Variants in RPS6KC1 observed in about 807,000 individuals in gnomAD.
RPS6KC1 encodes the protein inactive ribosomal protein S6 kinase delta-1.
A neutral mutation model predicts 103.8 loss-of-function variants in RPS6KC1; 54 were observed. The ratio of observed to expected loss-of-function variants is 0.52; its 90% CI spans 0.42 to 0.65. The LOEUF (loss-of-function observed/expected upper bound fraction) is 0.65. RPS6KC1 is among the 30% of genes least tolerant of loss of function. The pLI is 0.00. For missense variants in RPS6KC1, 1,151 were observed against 1,253.8 expected, an observed-to-expected ratio of 0.92 and a Z score of 1.24; for synonymous variants, 439 against 438.7, an observed-to-expected ratio of 1.00 and a Z score of -0.01.
intron 3 of RPS6KC1, among the ~76,000 whole-genome samples, chr1:213,083,884 T>G (rs188192434): frequency 2.6e-5 from 4 of 152,294 alleles, no homozygotes; most frequent in African/African-American, 9.6e-5. Context: ...AGACTGTAGC[T>G]TCCATCTTGT....
the RPS6KC1 span, among the ~76,000 whole-genome samples, chr1:213,457,023 A>G: frequency 1.3e-4 from 19 of 148,872 alleles, no homozygotes; most frequent in African/African-American, 4.9e-4. Flanking sequence ...AGGACTCAAG[A>G]AGGACTTCCT....
chr1:213,810,881 G>T, the RPS6KC1 span, among the ~76,000 whole-genome samples: 3 of 152,166 alleles, frequency 2.0e-5, no homozygotes, highest in Non-Finnish European at 4.4e-5. Flanking sequence ...CCAGCAAAAA[G>T]CTGGTAAGTG....
chr1:213,146,258 T>A (rs1572826255), intron 6 of RPS6KC1, among the ~76,000 whole-genome samples: 2 of 151,926 alleles, frequency 1.3e-5, no homozygotes, highest in African/African-American at 4.8e-5. Flanking sequence ...CCCTGTTGTG[T>A]ATATGTACCA....
the RPS6KC1 span, among the ~76,000 whole-genome samples, chr1:213,288,669 A>G: frequency 6.6e-6 from 1 of 152,188 alleles, no homozygotes; most frequent in Non-Finnish European, 1.5e-5. Context: ...TTTCTGTGTA[A>G]GTAAAGTTTC....
At chr1:213,487,308 A>G in the RPS6KC1 span, among the ~76,000 whole-genome samples, 1 of 152,068 alleles carries the variant, frequency 6.6e-6, no homozygotes, top group African/African-American at 2.4e-5. Flanking sequence ...AGGTAGGAAA[A>G]TTGCTTGAGT....
chr1:213,682,395 T>A, the RPS6KC1 span, among the ~76,000 whole-genome samples: 92 of 152,344 alleles, frequency 6.0e-4, no homozygotes, highest in African/African-American at 2.2e-3. Context: ...ACGTGTCACG[T>A]CTTCTGCCAG....
the RPS6KC1 span, among the ~76,000 whole-genome samples, chr1:213,777,568 T>C: frequency 6.6e-6 from 1 of 152,164 alleles, no homozygotes; most frequent in Non-Finnish European, 1.5e-5. Context: ...ATATCTGAAA[T>C]ATTATAATAT....
At chr1:213,324,387 G>C in the RPS6KC1 span, among the ~76,000 whole-genome samples, 5 of 152,190 alleles carry the variant, frequency 3.3e-5, no homozygotes, top group Admixed American at 3.3e-4. Context: ...TTCATTTTAG[G>C]TAGGATATTT....
At chr1:213,786,355 TG>T in the RPS6KC1 span, among the ~76,000 whole-genome samples, 1 of 152,236 alleles carries the variant, frequency 6.6e-6, no homozygotes, top group Admixed American at 6.5e-5. Flanking sequence ...ACTTCATAGT[TG>T]TTCCCCATTG....
the RPS6KC1 span, among the ~76,000 whole-genome samples, chr1:213,791,715 A>C: frequency 6.6e-6 from 1 of 152,138 alleles, no homozygotes; most frequent in East Asian, 1.9e-4. Flanking sequence ...TTATAAACTT[A>C]CTCTAGCTTC....
At chr1:213,780,249 A>G in the RPS6KC1 span, among the ~76,000 whole-genome samples, 12 of 152,172 alleles carry the variant, frequency 7.9e-5, no homozygotes, top group Non-Finnish European at 1.3e-4. Flanking sequence ...ACCCCCGGGT[A>G]GGTATATAAG....
the RPS6KC1 span, among the ~76,000 whole-genome samples, chr1:213,734,106 C>T: frequency 6.6e-6 from 1 of 152,142 alleles, no homozygotes; most frequent in Non-Finnish European, 1.5e-5. Flanking sequence ...TGCTAATTTA[C>T]AATTCTCTTT....
chr1:213,107,033 C>G (rs2082569606), intron 4 of RPS6KC1, among the ~76,000 whole-genome samples: 1 of 152,028 alleles, frequency 6.6e-6, no homozygotes, highest in Non-Finnish European at 1.5e-5. Flanking sequence ...CTCTTGCCTC[C>G]CGGGTTCAAG....
the RPS6KC1 span, among the ~76,000 whole-genome samples, chr1:213,529,794 G>A: frequency 6.6e-6 from 1 of 152,156 alleles, no homozygotes; most frequent in South Asian, 2.1e-4. Flanking sequence ...CCTGGCATGG[G>A]ACTCACAGTA....
At chr1:213,079,810 C>G (rs762863772) in intron 3 of RPS6KC1, among the ~76,000 whole-genome samples, 11 of 151,740 alleles carry the variant, frequency 7.2e-5, no homozygotes, top group Non-Finnish European at 1.3e-4. Flanking sequence ...GTTTCCTGCT[C>G]CTTCCCTCCA....
chr1:213,125,563 A>C lies in RPS6KC1; in HGVS notation c.473-3964A>C, dbSNP rs963813303. On this transcript the variant is annotated intron_variant, in intron 5 of 14. Transcript: ENST00000366960. ...TTGTCCTCTAAAAAGGTTAAAGTAG[A>C]TGTCTTTTTATTTCTCTTTGCTTCT... is the stretch of plus-strand genomic sequence containing the variant. 4.0e-5 allele frequency among the ~76,000 whole-genome samples: 6 copies of C among 151,610 alleles called. No homozygotes were observed. In the East Asian group the frequency reaches 1.2e-3, roughly 29 times the overall value.
intron 8 of RPS6KC1, among the ~76,000 whole-genome samples, chr1:213,229,081 G>A (rs139580327): frequency 1.2e-3 from 184 of 152,210 alleles, no homozygotes; most frequent in South Asian, 2.9e-3. Flanking sequence ...GCAGCAGGCT[G>A]TTTGTTTGTT....
the RPS6KC1 span, among the ~76,000 whole-genome samples, chr1:213,768,452 C>T: frequency 6.6e-6 from 1 of 152,050 alleles, no homozygotes; most frequent in African/African-American, 2.4e-5. Flanking sequence ...ATCACAAGCG[C>T]CTATTTATAG....
the RPS6KC1 span, among the ~76,000 whole-genome samples, chr1:213,692,398 A>AAT: frequency 1.3e-5 from 2 of 151,812 alleles, no homozygotes; most frequent in East Asian, 3.9e-4. Flanking sequence ...CAAAAAAAAA[A>AAT]AAAAATAAAT....
Sources: allele counts gnomAD v4.1 joint callset (sites outside exome capture counted in the v4.1 genomes callset), GRCh38; gene constraint gnomAD v4.1.1; transcripts MANE v1.5; gene names NCBI Gene and HGNC (gene_info 2026-07-23, HGNC 2026-07-21).